RALGAPA2: variants seen among roughly 807,000 people sequenced by gnomAD.
RALGAPA2 encodes the protein ral GTPase-activating protein subunit alpha-2.
Under a neutral mutation model 230.4 loss-of-function variants are expected in RALGAPA2, and 139 were observed. The ratio of observed to expected loss-of-function variants is 0.60; its 90% CI spans 0.53 to 0.69. The LOEUF is 0.69. RALGAPA2 is among the 30% of genes least tolerant of loss of function. The probability of loss-of-function intolerance (pLI) is 0.00; values close to 1 mark genes in which losing one functional copy is unlikely to be tolerated. For missense variants in RALGAPA2, 2,163 were observed against 2,276.0 expected (o/e 0.95, Z 1.01); for synonymous variants, 847 against 837.8 (o/e 1.01, Z -0.19).
chr20:20,601,612 A>T, intron 16 of RALGAPA2, 70 bp downstream of exon 16: 1 of 1,460,494 alleles, frequency 6.8e-7, no homozygotes, highest in South Asian at 1.4e-5. Context: ...AATTTTTAAC[A>T]CACTTTATGC....
intron 9 of RALGAPA2, among the ~76,000 whole-genome samples, chr20:20,633,588 T>C (rs931863464): frequency 1.2e-4 from 18 of 152,046 alleles, no homozygotes; most frequent in Non-Finnish European, 1.9e-4. Context: ...CCTGGGTTCA[T>C]GCCATTCTCC....
At chr20:20,551,000 C>T (rs773480045) in intron 23 of RALGAPA2, among the ~76,000 whole-genome samples, 3 of 152,142 alleles carry the variant, frequency 2.0e-5, no homozygotes, top group African/African-American at 4.8e-5. Context: ...CCTCTTAGAT[C>T]GCACATTACC....
At chr20:20,447,447 C>T (rs1207997917) in intron 37 of RALGAPA2, among the ~76,000 whole-genome samples, 1 of 152,194 alleles carries the variant, frequency 6.6e-6, no homozygotes, top group Non-Finnish European at 1.5e-5. Flanking sequence ...GAGAGCTCAA[C>T]AGCAAGGGGC....
intron 30 of RALGAPA2, among the ~76,000 whole-genome samples, chr20:20,522,706 T>C (rs1318152497): frequency 1.3e-5 from 2 of 152,234 alleles, no homozygotes; most frequent in Non-Finnish European, 2.9e-5. Flanking sequence ...TCTGGAAGCA[T>C]ATTATACTTC....
chr20:20,575,935 T>C (rs2064805802), intron 20 of RALGAPA2, among the ~76,000 whole-genome samples: 3 of 152,160 alleles, frequency 2.0e-5, no homozygotes, highest in East Asian at 1.9e-4. Flanking sequence ...GTGGGGCTAT[T>C]TGTGTTTGTT....
intron 1 of RALGAPA2, among the ~76,000 whole-genome samples, chr20:20,706,783 A>G (rs2069626174): frequency 6.6e-6 from 1 of 152,194 alleles, no homozygotes. Flanking sequence ...TCAGATAACT[A>G]GCAGAAGCAT....
At chr20:20,487,712 C>T (rs887279069) in intron 36 of RALGAPA2, among the ~76,000 whole-genome samples, 2 of 151,882 alleles carry the variant, frequency 1.3e-5, no homozygotes, top group African/African-American at 4.8e-5. Flanking sequence ...AGTTTGAGAC[C>T]AGCCTGGGCC....
At chr20:20,491,940 C>T (rs2062071060) in intron 36 of RALGAPA2, among the ~76,000 whole-genome samples, 1 of 152,012 alleles carries the variant, frequency 6.6e-6, no homozygotes, top group South Asian at 2.1e-4. Context: ...CACACTTCTT[C>T]AACATACCAT....
chr20:20,700,588 CT>C (rs2069316020), intron 1 of RALGAPA2, among the ~76,000 whole-genome samples: 1 of 152,186 alleles, frequency 6.6e-6, no homozygotes, highest in Non-Finnish European at 1.5e-5. Flanking sequence ...CAATTTTGTT[CT>C]CATGAAAGAC....
At chr20:20,496,537 A>G (rs1484487622) in intron 35 of RALGAPA2, among the ~76,000 whole-genome samples, 1 of 152,208 alleles carries the variant, frequency 6.6e-6, no homozygotes, top group Non-Finnish European at 1.5e-5. Flanking sequence ...GCTCTCTGGC[A>G]CCATGAACAA....
intron 37 of RALGAPA2, among the ~76,000 whole-genome samples, chr20:20,447,669 T>C (rs2060894825): frequency 6.6e-6 from 1 of 151,804 alleles, no homozygotes; most frequent in African/African-American, 2.4e-5. Context: ...CAGTCAAATA[T>C]CAACAACTTC....
chr20:20,622,092 G>C (rs2066341776), intron 10 of RALGAPA2, among the ~76,000 whole-genome samples: 1 of 152,162 alleles, frequency 6.6e-6, no homozygotes, highest in South Asian at 2.1e-4. Flanking sequence ...CAAAAACTCA[G>C]TGTATATGAG....
chr20:20,530,827 C>T (rs6082033), intron 27 of RALGAPA2, among the ~76,000 whole-genome samples: 4,965 of 152,168 alleles, frequency 0.033, 102 homozygotes, highest in South Asian at 0.061. Context: ...AAACTGAGGA[C>T]GCTTACCCCT....
chr20:20,712,054 T>G lies in RALGAPA2; in HGVS notation c.106+321A>C, dbSNP rs142825002. Among the ~76,000 whole-genome samples the G allele has an allele frequency of 0.011, 1,658 of 152,128 alleles. 17 individuals carry two copies. The highest frequency in any genetic ancestry group is 0.059 in the South Asian group (281 of 4,780). ...TTCAATGTGTGCACGTGATGACCAC[T>G]TGGGATCCAGTTCACTTGCTGGGAG... is the stretch of plus-strand genomic sequence containing the variant. On this transcript the variant is annotated intron_variant, in intron 1 of 39. Transcript: ENST00000202677. The surrounding 1 kb of genome is among the most constrained non-coding windows in gnomAD (Gnocchi z 5.5).
chr20:20,539,453 TATTA>T (rs1296217381), intron 24 of RALGAPA2, among the ~76,000 whole-genome samples: 2 of 152,218 alleles, frequency 1.3e-5, no homozygotes, highest in African/African-American at 4.8e-5. Flanking sequence ...AAGGCTACTT[TATTA>T]ATTTTGTGTT....
rs537643552 is a variant in RALGAPA2 at position 20,589,900 on chromosome 20, T to G, written c.2342-535A>C. ...TAAATTTGAAAAAAAAAAAAAATTTTTTTCTACAAAAACATAATTTATCAA... is the reference window on the plus strand; with the variant it reads ...TAAATTTGAAAAAAAAAAAAAATTTGTTTCTACAAAAACATAATTTATCAA... On this transcript the variant is annotated intron_variant, in intron 17 of 39. Transcript: ENST00000202677. Among the ~76,000 whole-genome samples, 3 of 152,042 alleles carry G rather than the reference T, an allele frequency of 2.0e-5. No individual in the cohort carries two copies. In the South Asian group the frequency reaches 6.2e-4, roughly 31 times the overall value.
At chr20:20,677,629 ATTTTTTTTTTTTTT>A (rs758379115) in intron 2 of RALGAPA2, among the ~76,000 whole-genome samples, 39 of 64,310 alleles carry the variant, frequency 6.1e-4, no homozygotes, top group African/African-American at 2.0e-3. Flanking sequence ...GATTTGACCC[ATTTTTTTTTTTTTT>A]TTTTTTTTTT....
chr20:20,474,267 T>C (rs2061601521), intron 36 of RALGAPA2, among the ~76,000 whole-genome samples: 1 of 152,160 alleles, frequency 6.6e-6, no homozygotes, highest in African/African-American at 2.4e-5. Flanking sequence ...GTAGAATTAG[T>C]ATGTTTAAGC....
intron 36 of RALGAPA2, among the ~76,000 whole-genome samples, chr20:20,475,480 C>T (rs2123422298): frequency 6.6e-6 from 1 of 152,138 alleles, no homozygotes; most frequent in Admixed American, 6.5e-5. Context: ...GAATAAAAAC[C>T]ATATGACTTT....
Sources: gnomAD v4.1 joint callset for allele counts (sites outside exome capture counted in the v4.1 genomes callset) on GRCh38, gnomAD v4.1.1 for gene constraint, Gnocchi (gnomAD v3.1) non-coding constraint, MANE v1.5 for transcripts, NCBI Gene and HGNC (gene_info 2026-07-23, HGNC 2026-07-21) for gene names.